The following WDFY2 variants were observed in gnomAD, a reference collection of about 807,000 sequenced individuals.
WDFY2 encodes WD repeat and FYVE domain-containing protein 2.
In WDFY2, 36 loss-of-function variants were observed where a neutral mutation model predicts 56.4. The observed-to-expected ratio is 0.64, with a 90% CI of 0.49 to 0.84. The LOEUF is 0.84. Ranked by LOEUF, WDFY2 falls within the 40% of genes least tolerant of loss-of-function variation. The pLI is 0.00. For missense variants in WDFY2, 444 were observed against 512.2 expected, an observed-to-expected ratio of 0.87 and a Z score of 1.29; for synonymous variants, 176 against 183.7, an observed-to-expected ratio of 0.96 and a Z score of 0.34.
At chr13:51,700,094 A>G (rs1951952022) in intron 3 of WDFY2, among the ~76,000 whole-genome samples, 1 of 152,244 alleles carries the variant, frequency 6.6e-6, no homozygotes, top group Admixed American at 6.5e-5. Context: ...CTGTTTTTAT[A>G]CAACAAAAAA....
In WDFY2 at chr13:51,672,788, T is replaced by A. The variant is rs114468717; in HGVS notation, c.206-2382T>A. Among the ~76,000 whole-genome samples, 1,397 of 152,326 alleles carry A rather than the reference T, an allele frequency of 9.2e-3. 18 individuals are homozygous for A. Among genetic ancestry groups the A allele is most frequent in the African/African-American group, 0.032 (1,321 of 41,570 alleles). On this transcript the variant is annotated intron_variant, in intron 2 of 11. Coordinates refer to ENST00000298125, the MANE Select transcript of WDFY2 (RefSeq NM_052950.4). Reference sequence around the variant, plus strand: ...CCTGGTTTAGGTATCCCAAGTATGTTATTTTATTTTTCTGCAGCTACTGTA... The same window carrying A: ...CCTGGTTTAGGTATCCCAAGTATGTAATTTTATTTTTCTGCAGCTACTGTA...
chr13:51,703,816 A>G (rs531044704), intron 4 of WDFY2, among the ~76,000 whole-genome samples, 166 bp downstream of exon 4: 13 of 152,262 alleles, frequency 8.5e-5, no homozygotes, highest in East Asian at 1.9e-4. Context: ...CTGAGGCCCA[A>G]TGAGGTTGGG....
At chr13:51,745,753 A>AT (rs1566221073) in intron 7 of WDFY2, among the ~76,000 whole-genome samples, 1 of 148,852 alleles carries the variant, frequency 6.7e-6, no homozygotes, top group African/African-American at 2.5e-5. Flanking sequence ...AAAAAAAAAA[A>AT]AAAAAAAAAA....
chr13:51,605,185 T>C (rs1308381564), intron 1 of WDFY2, among the ~76,000 whole-genome samples: 4 of 152,014 alleles, frequency 2.6e-5, no homozygotes, highest in Non-Finnish European at 4.4e-5. Flanking sequence ...AAAAGATGAG[T>C]GGATTCTGGA....
At chr13:51,728,620 T>C (rs1318109557) in intron 6 of WDFY2, among the ~76,000 whole-genome samples, 1 of 152,116 alleles carries the variant, frequency 6.6e-6, no homozygotes, top group African/African-American at 2.4e-5. Context: ...TAAAATTGGA[T>C]AGTACCTGGT....
In WDFY2 at chr13:51,756,386, T is replaced by C; in HGVS notation, c.988T>C (p.Ser330Pro). 1 of 1,614,118 alleles carries C rather than the reference T, an allele frequency of 6.2e-7. No individual in the cohort carries two copies. The highest frequency in any genetic ancestry group is 2.2e-5 in the East Asian group (1 of 44,882). Residue 330 changes from serine (S) to proline (P), a missense_variant, in exon 10 of 12, where the codon TCC becomes CCC. By Grantham distance (74) the Ser-to-Pro change is moderately conservative. Coordinates refer to ENST00000298125, the MANE Select transcript of WDFY2 (RefSeq NM_052950.4). ...CTGTGGCAAGTGCAGCTCCAAGCGC[T>C]CCTCCATCCCCCTGATGGGCTTCGA... Reference protein sequence around the residue: ...AVCGKCSSKRSSIPLMGFEFE... With the variant: ...AVCGKCSSKRPSIPLMGFEFE...
intron 1 of WDFY2, among the ~76,000 whole-genome samples, chr13:51,634,215 G>A (rs186467159): frequency 2.0e-5 from 3 of 151,624 alleles, no homozygotes; most frequent in Admixed American, 6.6e-5. Flanking sequence ...TTATTACAGG[G>A]CTTTAACAAC....
At chr13:51,731,756 C>A (rs1952727715) in intron 6 of WDFY2, among the ~76,000 whole-genome samples, 1 of 152,118 alleles carries the variant, frequency 6.6e-6, no homozygotes, top group African/African-American at 2.4e-5. Flanking sequence ...AAATGAACAC[C>A]CTAAAGTTAA....
chr13:51,616,192 G>A (rs1177334716), intron 1 of WDFY2, among the ~76,000 whole-genome samples: 3 of 152,130 alleles, frequency 2.0e-5, no homozygotes, highest in African/African-American at 7.2e-5. Context: ...AATTGTGATT[G>A]TATCACTGCG....
chr13:51,672,495 G>A (rs140454402), intron 2 of WDFY2, among the ~76,000 whole-genome samples: 176 of 152,076 alleles, frequency 1.2e-3, no homozygotes, highest in African/African-American at 4.1e-3. Context: ...CTCCAGATTT[G>A]TTCTTTTTGC....
At chr13:51,656,847 AT>A (rs758846378) in intron 1 of WDFY2, among the ~76,000 whole-genome samples, 104 of 151,894 alleles carry the variant, frequency 6.8e-4, no homozygotes, top group Non-Finnish European at 1.0e-3. Context: ...TTATTGTTTC[AT>A]TTTCAACCTA....
At chr13:51,611,468 G>A (rs1023081508) in intron 1 of WDFY2, among the ~76,000 whole-genome samples, 1 of 152,260 alleles carries the variant, frequency 6.6e-6, no homozygotes, top group South Asian at 2.1e-4. Context: ...AATCTTAAAT[G>A]AATAATAATA....
chr13:51,640,470 C>CT (rs1203698514), intron 1 of WDFY2, among the ~76,000 whole-genome samples: 12 of 152,182 alleles, frequency 7.9e-5, no homozygotes, highest in African/African-American at 2.9e-4. Flanking sequence ...TTAGATTACT[C>CT]TATCATTTTA....
rs1013695514 is a variant in WDFY2 at position 51,760,755 on chromosome 13, A to G, written c.*986A>G. The G allele has an allele frequency of 1.3e-5, 2 of 152,240 alleles. No individual in the cohort carries two copies. Among genetic ancestry groups the G allele is most frequent in the Non-Finnish European group, 2.9e-5 (2 of 68,036 alleles). 9.4% of individuals were successfully genotyped at this position (152,240 alleles called of 1,614,324 possible). Reference sequence around the variant, plus strand: ...ATTAGCTTCTCATAAGGAGCACGCAACCTAAATCCCTCGCATGCGCAGTTC... The same window carrying G: ...ATTAGCTTCTCATAAGGAGCACGCAGCCTAAATCCCTCGCATGCGCAGTTC... On this transcript the variant is annotated 3_prime_UTR_variant, in exon 12 of 12. Coordinates refer to ENST00000298125, the MANE Select transcript of WDFY2 (RefSeq NM_052950.4).
In WDFY2 at chr13:51,727,803, G is replaced by A. The variant is rs1282726170; in HGVS notation, c.598+13G>A. 6.2e-7 allele frequency: 1 copy of A among 1,611,924 alleles called. No homozygotes were observed. Among genetic ancestry groups the A allele is most frequent in the East Asian group, 2.2e-5 (1 of 44,876 alleles). ...AGAGGACACACAGGTAGGATTAACA[G>A]TAAAATCGTCATGTGCTGATAGCAC... On this transcript the variant is annotated intron_variant, in intron 6 of 11. Transcript: ENST00000298125.
At chr13:51,589,614 T>C (rs1954006857) in intron 1 of WDFY2, 1 of 152,188 alleles carries the variant, frequency 6.6e-6, no homozygotes, top group South Asian at 2.1e-4. Flanking sequence ...ATGTATTTTA[T>C]AACATTTGCA....
At chr13:51,710,633 A>G (rs1952191645) in intron 4 of WDFY2, among the ~76,000 whole-genome samples, 1 of 152,204 alleles carries the variant, frequency 6.6e-6, no homozygotes, top group Admixed American at 6.5e-5. Context: ...AAGCATTCCT[A>G]TACACCAATA....
At chr13:51,710,270 T>C (rs1310938451) in intron 4 of WDFY2, among the ~76,000 whole-genome samples, 1 of 152,148 alleles carries the variant, frequency 6.6e-6, no homozygotes, top group Non-Finnish European at 1.5e-5. Context: ...ATAAACTAGG[T>C]ATTGATGGGA....
chr13:51,642,841 C>T (rs1348335226), intron 1 of WDFY2, among the ~76,000 whole-genome samples: 1 of 152,006 alleles, frequency 6.6e-6, no homozygotes, highest in Non-Finnish European at 1.5e-5. Flanking sequence ...CCACCATACC[C>T]AGCTAATTTT....
Sources: allele counts gnomAD v4.1 joint callset (sites outside exome capture counted in the v4.1 genomes callset), GRCh38; gene constraint gnomAD v4.1.1; transcripts MANE v1.5; gene names NCBI Gene and HGNC (gene_info 2026-07-23, HGNC 2026-07-21).